Variants in ZNF33B observed in about 807,000 individuals in gnomAD.
ZNF33B encodes the protein zinc finger protein 33B.
Under a neutral mutation model 45.8 loss-of-function variants are expected in ZNF33B, and 29 were observed. The observed-to-expected ratio is 0.63, with a 90% CI of 0.47 to 0.86. ZNF33B has a LOEUF of 0.86. ZNF33B is among the 40% of genes least tolerant of loss of function. The pLI, the probability that ZNF33B is intolerant of heterozygous loss-of-function variation, is 0.00. For missense variants in ZNF33B, 831 were observed against 909.9 expected, an observed-to-expected ratio of 0.91 and a Z score of 1.12; for synonymous variants, 305 against 307.8, an observed-to-expected ratio of 0.99 and a Z score of 0.10.
chr10:42,589,006 T>C (rs1285370172), downstream of ZNF33B: 1 of 173,036 alleles, frequency 5.8e-6, no homozygotes, highest in Non-Finnish European at 1.1e-5. Flanking sequence ...CAAGGATGTA[T>C]AAAAGCAATT....
chr10:42,636,631 G>A (rs1036546326), intron 2 of ZNF33B, among the ~76,000 whole-genome samples: 2 of 152,172 alleles, frequency 1.3e-5, no homozygotes, highest in African/African-American at 2.4e-5. Flanking sequence ...CGACCAGCCA[G>A]GGCAACACGG....
At chr10:42,611,447 T>C (rs892254191) in intron 4 of ZNF33B, among the ~76,000 whole-genome samples, 3 of 152,116 alleles carry the variant, frequency 2.0e-5, no homozygotes, top group Non-Finnish European at 2.9e-5. Flanking sequence ...TCACACCATA[T>C]ACAAAAACTA....
chr10:42,610,955 CAT>C (rs1183053625), intron 4 of ZNF33B, among the ~76,000 whole-genome samples: 15 of 152,274 alleles, frequency 9.9e-5, no homozygotes, highest in Non-Finnish European at 1.5e-4. Context: ...TAGAGGTAAA[CAT>C]GTGAAATAAA....
rs997270309 is a variant in ZNF33B at position 42,637,112 on chromosome 10, C to T, written c.-44-140G>A. ...AGAATATCAATGTCCTCTGACACTTCGGAATAGGGGGTAGAAATGGTGAAA... is the reference window on the plus strand; with the variant it reads ...AGAATATCAATGTCCTCTGACACTTTGGAATAGGGGGTAGAAATGGTGAAA... On this transcript the variant is annotated intron_variant, in intron 1 of 4. Transcript: ENST00000359467. 1.4e-5 allele frequency: 10 copies of T among 729,906 alleles called. No homozygotes were observed. The African/African-American group carries it at 1.4e-4, about 10-fold the overall frequency. The allele number at this position is 729,906 out of a possible 1,614,324, so 45.2% of individuals were successfully genotyped here.
At chr10:42,604,617 T>TC (rs1837762163) in intron 4 of ZNF33B, among the ~76,000 whole-genome samples, 1 of 151,782 alleles carries the variant, frequency 6.6e-6, no homozygotes, top group Non-Finnish European at 1.5e-5. Context: ...CTAGAATGAC[T>TC]CAACAAAAGA....
chr10:42,619,055 C>G (rs1415481849), intron 4 of ZNF33B, among the ~76,000 whole-genome samples: 1 of 151,494 alleles, frequency 6.6e-6, no homozygotes, highest in Non-Finnish European at 1.5e-5. Context: ...CTGGTCCATT[C>G]ACTTAACAGT....
At chr10:42,615,691 A>G (rs1196304711) in intron 4 of ZNF33B, among the ~76,000 whole-genome samples, 1 of 152,186 alleles carries the variant, frequency 6.6e-6, no homozygotes, top group Non-Finnish European at 1.5e-5. Flanking sequence ...TGAGAGGCCT[A>G]TGCAGGCAGA....
At chr10:42,576,009 G>A (rs934375267) in intron 1 of ZNF33B, among the ~76,000 whole-genome samples, 4 of 151,990 alleles carry the variant, frequency 2.6e-5, no homozygotes, top group African/African-American at 9.7e-5. Context: ...TCCTGCCTCA[G>A]CCTTCTGAGT....
intron 4 of ZNF33B, among the ~76,000 whole-genome samples, chr10:42,599,995 C>T (rs886235561): frequency 4.6e-5 from 7 of 151,972 alleles, no homozygotes; most frequent in African/African-American, 1.7e-4. Context: ...TTAATAGATA[C>T]TTCTGTTATT....
chr10:42,631,778 A>C, intron 4 of ZNF33B, 151 bp downstream of exon 4: 1 of 672,622 alleles, frequency 1.5e-6, no homozygotes, highest in African/African-American at 1.8e-5. Context: ...TGGAGGTTTG[A>C]TTTAGCAATC....
intron 4 of ZNF33B, among the ~76,000 whole-genome samples, chr10:42,601,564 C>T (rs1256109778): frequency 6.6e-6 from 1 of 150,644 alleles, no homozygotes; most frequent in African/African-American, 2.5e-5. Flanking sequence ...ACTTCTGCCT[C>T]CCATGTTCAG....
intron 4 of ZNF33B, among the ~76,000 whole-genome samples, chr10:42,612,062 TTA>T (rs1838120486): frequency 6.6e-6 from 1 of 152,120 alleles, no homozygotes; most frequent in Admixed American, 6.5e-5. Context: ...AAGTATGATC[TTA>T]GCAGTAGGTT....
intron 4 of ZNF33B, among the ~76,000 whole-genome samples, chr10:42,610,362 C>G (rs1420453895): frequency 6.6e-6 from 1 of 152,054 alleles, no homozygotes; most frequent in African/African-American, 2.4e-5. Context: ...ATGGTGAAAC[C>G]CTGTCTCTAC....
At chr10:42,633,424 T>C (rs1455140844) in intron 2 of ZNF33B, among the ~76,000 whole-genome samples, 4 of 152,124 alleles carry the variant, frequency 2.6e-5, no homozygotes, top group Middle Eastern at 3.2e-3. Context: ...ACCAATTCTA[T>C]TGAGAACAGC....
chr10:42,582,555 G>A (rs17157513), intron 1 of ZNF33B: 9,238 of 152,672 alleles, frequency 0.061, 326 homozygotes, highest in Admixed American at 0.11. Flanking sequence ...ACACCCATCG[G>A]CCAGCTCTGG....
At chr10:42,595,301 T>C (rs1837351724) in intron 4 of ZNF33B, among the ~76,000 whole-genome samples, 1 of 152,144 alleles carries the variant, frequency 6.6e-6, no homozygotes. Flanking sequence ...GCTCAGAAGA[T>C]GTCTGAATTC....
chr10:42,608,110 A>G (rs911973488), intron 4 of ZNF33B, among the ~76,000 whole-genome samples: 85 of 152,326 alleles, frequency 5.6e-4, no homozygotes, highest in African/African-American at 1.8e-3. Flanking sequence ...AAAGAGGGGA[A>G]TTTTATTAAT....
rs759124558 is a variant in ZNF33B, at chr10:42,631,970, G to A, written c.209C>T (p.Pro70Leu). 6.2e-7 allele frequency: 1 copy of A among 1,614,070 alleles called. No homozygotes were observed. The highest frequency in any genetic ancestry group is 8.5e-7 in the Non-Finnish European group (1 of 1,180,004). The change falls in exon 4 of 5, where the codon CCA becomes CTA. Residue 70 changes from proline to leucine, a missense_variant. By Grantham distance (98) the Pro-to-Leu change is moderately conservative. Transcript: ENST00000359467. ...TGGGAATTCTTCCTCCAGTCTCCAT[G>A]GTTCTTCTCCTTGTTCCAGCCTGAA... ...VIFRLEQGEE[P>L]WRLEEEFPSQ...
At chr10:42,594,840 T>C in intron 4 of ZNF33B, 141 bp from the exon 5 acceptor site, 2 of 969,900 alleles carry the variant, frequency 2.1e-6, no homozygotes, top group Non-Finnish European at 2.8e-6. Flanking sequence ...TGCAAGTGCA[T>C]ATTTTTTTGT....
Sources: allele counts gnomAD v4.1 joint callset (sites outside exome capture counted in the v4.1 genomes callset), GRCh38; gene constraint gnomAD v4.1.1; transcripts MANE v1.5; gene names NCBI Gene and HGNC (gene_info 2026-07-23, HGNC 2026-07-21).